The following DMXL1 variants were observed in gnomAD, a reference collection of about 807,000 sequenced individuals.
The protein encoded by DMXL1 is Dmx like 1, also known as dmX-like protein 1.
Under a neutral mutation model 319.2 loss-of-function variants are expected in DMXL1, and 99 were observed. The observed-to-expected ratio is 0.31, with a 90% CI of 0.26 to 0.37. DMXL1 has a LOEUF of 0.37. Ranked by LOEUF, DMXL1 falls within the 10% of genes least tolerant of loss-of-function variation. The pLI, the probability that DMXL1 is intolerant of heterozygous loss-of-function variation, is 1.00. For missense variants in DMXL1, 3,745 were observed against 3,595.6 expected, an observed-to-expected ratio of 1.04 and a Z score of -1.06; for synonymous variants, 1,385 against 1,235.2, an observed-to-expected ratio of 1.12 and a Z score of -2.54.
intron 25 of DMXL1, among the ~76,000 whole-genome samples, chr5:119,172,524 C>T (rs1260513168): frequency 6.6e-6 from 1 of 152,136 alleles, no homozygotes; most frequent in Non-Finnish European, 1.5e-5. Context: ...GAGTATGTCC[C>T]AGGAATGTAT....
intron 33 of DMXL1, among the ~76,000 whole-genome samples, chr5:119,205,638 T>G (rs1306609295): frequency 2.6e-5 from 4 of 152,062 alleles, no homozygotes; most frequent in African/African-American, 4.8e-5. Context: ...TATTAAAAGT[T>G]TGTTGTTATT....
intron 35 of DMXL1, 72 bp from the exon 36 acceptor site, chr5:119,220,399 AT>A (rs1784452250): frequency 7.0e-7 from 1 of 1,432,722 alleles, no homozygotes; most frequent in East Asian, 2.3e-5. Flanking sequence ...CAAAACTACC[AT>A]TTTCAAAAGC....
chr5:119,190,402 G>T (rs1383512346), intron 29 of DMXL1, among the ~76,000 whole-genome samples: 1 of 152,166 alleles, frequency 6.6e-6, no homozygotes, highest in Non-Finnish European at 1.5e-5. Context: ...AAATCACTTC[G>T]TAAATGTGCA....
intron 25 of DMXL1, among the ~76,000 whole-genome samples, chr5:119,173,668 A>ATGTGTG (rs1461681311): frequency 2.0e-5 from 2 of 100,466 alleles, no homozygotes; most frequent in African/African-American, 6.1e-5. Context: ...AATCAGTAGG[A>ATGTGTG]TGTATGTGTG....
At chr5:119,146,289 A>C in intron 15 of DMXL1, among the ~76,000 whole-genome samples, 1 of 151,806 alleles carries the variant, frequency 6.6e-6, no homozygotes, top group East Asian at 1.9e-4. Context: ...TTCAGGCAAT[A>C]ATAAATCATT....
chr5:119,141,040 G>T (rs1767210678), intron 13 of DMXL1, among the ~76,000 whole-genome samples: 1 of 152,134 alleles, frequency 6.6e-6, no homozygotes, highest in African/African-American at 2.4e-5. Flanking sequence ...AAAGGTTTTT[G>T]ATAAAATTCA....
chr5:119,198,667 A>G (rs1780099134), intron 32 of DMXL1, among the ~76,000 whole-genome samples: 1 of 152,246 alleles, frequency 6.6e-6, no homozygotes, highest in Non-Finnish European at 1.5e-5. Flanking sequence ...GAGAGCTGGA[A>G]TAGCCAAAGC....
At chr5:119,128,210 C>A in intron 9 of DMXL1, 1 of 413,802 alleles carries the variant, frequency 2.4e-6, no homozygotes, top group South Asian at 2.0e-5. Context: ...TGAGAAGAAT[C>A]TGGATACTCT....
intron 19 of DMXL1, among the ~76,000 whole-genome samples, chr5:119,163,735 C>T (rs1199566059): frequency 6.6e-6 from 1 of 152,178 alleles, no homozygotes; most frequent in Non-Finnish European, 1.5e-5. Context: ...ACTACCATGC[C>T]CGGCTAATTT....
At chr5:119,218,808 C>G (rs1374782420) in intron 35 of DMXL1, among the ~76,000 whole-genome samples, 1 of 152,100 alleles carries the variant, frequency 6.6e-6, no homozygotes, top group Non-Finnish European at 1.5e-5. Context: ...AGAAATAATA[C>G]CTCTTGCTTT....
At chr5:119,193,799 T>C (rs776861880) in intron 29 of DMXL1, 29 bp from the exon 30 acceptor site, 2 of 1,602,550 alleles carry the variant, frequency 1.2e-6, no homozygotes. Flanking sequence ...GATATGTGGC[T>C]GCTAAATTTC....
chr5:119,115,732 C>A (rs534887593), intron 6 of DMXL1, among the ~76,000 whole-genome samples: 2 of 152,184 alleles, frequency 1.3e-5, no homozygotes, highest in Non-Finnish European at 2.9e-5. Flanking sequence ...TTTTCACCAT[C>A]AACATTTTCT....
intron 13 of DMXL1, among the ~76,000 whole-genome samples, chr5:119,137,729 A>G (rs926957593): frequency 6.6e-6 from 1 of 152,154 alleles, no homozygotes; most frequent in Non-Finnish European, 1.5e-5. Context: ...CTTCTCCTTC[A>G]TCTTCCGCCA....
chr5:119,212,272 A>C (rs1386551282), intron 34 of DMXL1, among the ~76,000 whole-genome samples: 1 of 152,148 alleles, frequency 6.6e-6, no homozygotes, highest in Admixed American at 6.6e-5. Flanking sequence ...GAATTTTACT[A>C]TCCCTAGGTA....
In DMXL1 at chr5:119,134,321, C is replaced by G. The variant is rs758510152; in HGVS notation, c.2308C>G (p.Leu770Val). The G allele has an allele frequency of 6.2e-7, 1 of 1,613,750 alleles. No homozygotes were observed. Among genetic ancestry groups the G allele is most frequent in the African/African-American group, 1.3e-5 (1 of 74,926 alleles). Residue 770 changes from leucine to valine, a missense_variant, in exon 13 of 44, where the codon CTG (leucine) becomes GTG (valine). Leu to Val is a conservative substitution (Grantham distance 32). Transcript: ENST00000539542. ...CTTTGTAGCCAGTGATGGACAATATCTGAGATTATATGAAGCAGTTATTGA... is the reference window on the plus strand; with the variant it reads ...CTTTGTAGCCAGTGATGGACAATATGTGAGATTATATGAAGCAGTTATTGA... ...ACFVASDGQY[L>V]RLYEAVIDAK...
intron 27 of DMXL1, 124 bp downstream of exon 27, chr5:119,177,608 A>ACTT: frequency 1.4e-6 from 1 of 736,766 alleles, no homozygotes; most frequent in Non-Finnish European, 2.1e-6. Flanking sequence ...GATACCAGTT[A>ACTT]AGTATTCACC....
intron 4 of DMXL1, among the ~76,000 whole-genome samples, chr5:119,108,152 CAG>C (rs1363585481): frequency 6.6e-6 from 1 of 152,114 alleles, no homozygotes; most frequent in East Asian, 1.9e-4. Flanking sequence ...CGCTTGAGCC[CAG>C]GAGTTTGAGA....
intron 38 of DMXL1, among the ~76,000 whole-genome samples, chr5:119,229,107 G>C (rs1786165719): frequency 6.7e-6 from 1 of 148,850 alleles, no homozygotes; most frequent in Non-Finnish European, 1.5e-5. Flanking sequence ...TTGAGCCCAG[G>C]AGTTCAAGAC....
At position 119,218,760 on chromosome 5, in the gene DMXL1, A is replaced by G. The variant is rs145089600; in HGVS notation, c.8014-1712A>G. Among the ~76,000 whole-genome samples the G allele has an allele frequency of 1.8e-3, 268 of 152,284 alleles. 1 individual carries two copies. The highest frequency in any genetic ancestry group is 6.1e-3 in the African/African-American group (253 of 41,562). On this transcript the variant is annotated intron_variant, in intron 35 of 43. Transcript: ENST00000539542. ...AGGCGTGAGCCACTGCACCCAGCTG[A>G]TATGCTATTTTTAATATCCTTACTA...
Sources: gnomAD v4.1 joint callset for allele counts (sites outside exome capture counted in the v4.1 genomes callset) on GRCh38, gnomAD v4.1.1 for gene constraint, MANE v1.5 for transcripts, NCBI Gene and HGNC (gene_info 2026-07-23, HGNC 2026-07-21) for gene names.